MPPE1: variants seen among roughly 807,000 people sequenced by gnomAD.
The protein encoded by MPPE1 is metallophosphoesterase 1.
In MPPE1, 28 loss-of-function variants were observed where a neutral mutation model predicts 43.8. The observed-to-expected ratio is 0.64, with a 90% CI of 0.47 to 0.88. The LOEUF is 0.88. Among genes scored for constraint, MPPE1 ranks in the 40% least tolerant of loss-of-function variants. The probability of loss-of-function intolerance (pLI) is 0.00; values close to 1 mark genes in which losing one functional copy is unlikely to be tolerated. For missense variants in MPPE1, 428 were observed against 492.2 expected, an observed-to-expected ratio of 0.87 and a Z score of 1.23; for synonymous variants, 159 against 188.5, an observed-to-expected ratio of 0.84 and a Z score of 1.28.
rs1486582349 is a variant in MPPE1, at chr18:11,900,863, C to CAT, written c.-92-3508_-92-3507insAT. On this transcript the variant is annotated intron_variant, in intron 2 of 10. Coordinates refer to ENST00000588072, the MANE Select transcript of MPPE1 (RefSeq NM_023075.6). ...CAAAGCCTGCAGTGAGCCGAGATTG[C>CAT]GCCACTGCACTCCAGCCTGGGCGAC... Among the ~76,000 whole-genome samples, 3 of 149,422 alleles carry CAT rather than the reference C, an allele frequency of 2.0e-5. No homozygotes were observed. In the East Asian group the frequency reaches 6.0e-4, roughly 30 times the overall value.
intron 6 of MPPE1, among the ~76,000 whole-genome samples, chr18:11,887,302 C>A (rs1454241521): frequency 6.6e-6 from 1 of 152,188 alleles, no homozygotes; most frequent in African/African-American, 2.4e-5. Flanking sequence ...TAGACTATGT[C>A]TAAGCTCATC....
rs534415280 is a variant in MPPE1 at position 11,882,941 on chromosome 18, A to G, written c.*1504T>C. 2.4e-4 allele frequency: 36 copies of G among 148,466 alleles called. No homozygotes were observed. Among genetic ancestry groups the G allele is most frequent in the Admixed American group, 2.2e-3 (33 of 14,822 alleles). The allele number at this position is 148,466 out of a possible 1,614,324, so 9.2% of individuals were successfully genotyped here. On this transcript the variant is annotated 3_prime_UTR_variant, in exon 11 of 11. Coordinates refer to ENST00000588072, the MANE Select transcript of MPPE1 (RefSeq NM_023075.6). ...CTTCATATTCTAGCTGTAGCCACAG[A>G]GTTGAGGGTAGTTTTTGTAGGTCTA...
intron 2 of MPPE1, 37 bp from the exon 3 acceptor site, chr18:11,897,393 A>G (rs904602094): frequency 3.2e-5 from 27 of 832,706 alleles, no homozygotes; most frequent in Non-Finnish European, 4.8e-5. Flanking sequence ...TATGTTCCCT[A>G]ATAATACAGG....
In MPPE1 at chr18:11,893,587, A is replaced by G. The variant is rs551014085; in HGVS notation, c.282-11T>C. 30 of 1,610,846 alleles carry G rather than the reference A, an allele frequency of 1.9e-5. No individual in the cohort carries two copies. The South Asian group carries it at 3.0e-4, about 16-fold the overall frequency. ...TCCATCTGCCATTCCCTTGATGCCA[A>G]TAGGAAAAAGTAAGGCATCAGTCTC... On this transcript the variant is annotated splice_polypyrimidine_tract_variant and intron_variant, in intron 3 of 10. Transcript: ENST00000588072.
intron 4 of MPPE1, among the ~76,000 whole-genome samples, chr18:11,890,097 C>T (rs1281916296): frequency 1.1e-4 from 16 of 151,224 alleles, no homozygotes; most frequent in African/African-American, 3.9e-4. Context: ...CGCCCGCCAC[C>T]ACGCCCGACT....
chr18:11,903,573 G>A (rs1273729090), intron 2 of MPPE1, among the ~76,000 whole-genome samples: 13 of 152,234 alleles, frequency 8.5e-5, no homozygotes, highest in South Asian at 2.1e-4. Flanking sequence ...TTGGGAGGCC[G>A]AGGCGGGCGG....
At position 11,889,749 on chromosome 18, in the gene MPPE1, T is replaced by A. The variant is rs183041569; in HGVS notation, c.391-259A>T. Among the ~76,000 whole-genome samples the A allele has an allele frequency of 5.3e-5, 8 of 151,756 alleles. No individual in the cohort carries two copies. The East Asian group carries it at 1.6e-3, about 30-fold the overall frequency. ...GGCTAACTTATTTTGTGTGTGTGTA[T>A]TTTTAGTAGAGACAGGGTTTCACCA... On this transcript the variant is annotated intron_variant, in intron 4 of 10. Transcript: ENST00000588072.
intron 2 of MPPE1, among the ~76,000 whole-genome samples, chr18:11,901,065 T>C (rs2039143777): frequency 6.6e-6 from 1 of 152,082 alleles, no homozygotes; most frequent in African/African-American, 2.4e-5. Flanking sequence ...TAATGGAGCA[T>C]TGGCAATGGG....
chr18:11,888,033 T>C (rs1009656557), intron 6 of MPPE1, among the ~76,000 whole-genome samples: 3 of 152,194 alleles, frequency 2.0e-5, no homozygotes, highest in African/African-American at 7.2e-5. Flanking sequence ...CACTCCCACC[T>C]GTTTTCTCCA....
chr18:11,898,120 G>GT (rs1171577952), intron 2 of MPPE1, among the ~76,000 whole-genome samples: 1 of 152,192 alleles, frequency 6.6e-6, no homozygotes, highest in East Asian at 1.9e-4. Flanking sequence ...CCAGGCTGGA[G>GT]TGCAGTGGTG....
chr18:11,897,297 A>G lies in MPPE1; in HGVS notation c.-33T>C. ...GCAACAACAAATCCATCAAGGGTTC[A>G]CCACGAGAAAACTGCAGAGCCCTGG... On this transcript the variant is annotated 5_prime_UTR_variant, in exon 3 of 11. Coordinates refer to ENST00000588072, the MANE Select transcript of MPPE1 (RefSeq NM_023075.6). 1 of 915,212 alleles carries G rather than the reference A, an allele frequency of 1.1e-6. No individual in the cohort carries two copies. The highest frequency in any genetic ancestry group is 1.6e-5 in the South Asian group (1 of 61,590). The allele number at this position is 915,212 out of a possible 1,614,324, so 56.7% of individuals were successfully genotyped here.
intron 9 of MPPE1, 138 bp from the exon 10 acceptor site, chr18:11,885,954 A>AT: frequency 8.0e-6 from 7 of 872,044 alleles, no homozygotes; most frequent in African/African-American, 1.7e-5. Context: ...GGACTGGTTT[A>AT]TTTTTTTCCT....
Position 11,884,239 on chromosome 18 carries a change from T to C in MPPE1, c.*206A>G. 2 of 550,256 alleles carry C rather than the reference T, an allele frequency of 3.6e-6. No individual in the cohort carries two copies. Among genetic ancestry groups the C allele is most frequent in the South Asian group, 2.4e-5 (1 of 41,202 alleles). The allele number at this position is 550,256 out of a possible 1,614,324, so 34.1% of individuals were successfully genotyped here. A position where few individuals can be genotyped will look rare whatever the true frequency, so the allele number is the denominator to read the frequency against. ...ATTTGATAAAAATGAGAAAACAGATTTGTTGTAGAGTACCTGTCCACTTTT... is the reference window on the plus strand; with the variant it reads ...ATTTGATAAAAATGAGAAAACAGATCTGTTGTAGAGTACCTGTCCACTTTT... On this transcript the variant is annotated 3_prime_UTR_variant, in exon 11 of 11. Transcript: ENST00000588072.
At chr18:11,901,235 T>A (rs9962834) in intron 2 of MPPE1, among the ~76,000 whole-genome samples, 26,535 of 151,830 alleles carry the variant, frequency 0.17, 2,549 homozygotes, top group South Asian at 0.34. Flanking sequence ...TATTTATTTA[T>A]TTTTATTTTT....
Position 11,906,803 on chromosome 18 carries a change from G to A in MPPE1, c.-199-494C>T, listed in dbSNP as rs976047987. ...CGGGAGGCGGAGGTTGTAGTGAGCCGAGATCGCGCCATTGCACTCCAGCCT... is the reference window on the plus strand; with the variant it reads ...CGGGAGGCGGAGGTTGTAGTGAGCCAAGATCGCGCCATTGCACTCCAGCCT... On this transcript the variant is annotated intron_variant, in intron 1 of 10. Transcript: ENST00000588072. Among the ~76,000 whole-genome samples the A allele has an allele frequency of 4.7e-5, 7 of 147,694 alleles. No homozygotes were observed. In the South Asian group the frequency reaches 6.3e-4, roughly 13 times the overall value.
In MPPE1 at chr18:11,882,928, G is replaced by C. The variant is rs894036181; in HGVS notation, c.*1517C>G. 1 of 151,838 alleles carries C rather than the reference G, an allele frequency of 6.6e-6. No homozygotes were observed. Among genetic ancestry groups the C allele is most frequent in the Non-Finnish European group, 1.5e-5 (1 of 67,978 alleles). 9.4% of individuals were successfully genotyped at this position (151,838 alleles called of 1,614,324 possible). A position where few individuals can be genotyped will look rare whatever the true frequency, so the allele number is the denominator to read the frequency against. On this transcript the variant is annotated 3_prime_UTR_variant, in exon 11 of 11. Coordinates refer to ENST00000588072, the MANE Select transcript of MPPE1 (RefSeq NM_023075.6). ...TGTAGCAATGATGCTTCATATTCTA[G>C]CTGTAGCCACAGAGTTGAGGGTAGT... is the stretch of plus-strand genomic sequence containing the variant.
At chr18:11,901,849 A>C (rs2039242072) in intron 2 of MPPE1, among the ~76,000 whole-genome samples, 1 of 152,114 alleles carries the variant, frequency 6.6e-6, no homozygotes, top group Non-Finnish European at 1.5e-5. Flanking sequence ...AAAATAAATA[A>C]ATAAAGGGGG....
In MPPE1 at chr18:11,889,483, G is replaced by A. The variant is rs141965655; in HGVS notation, c.398C>T (p.Ala133Val). Residue 133 changes from alanine to valine, a missense_variant, in exon 5 of 11, where the codon GCG (alanine) becomes GTG (valine). Transcript: ENST00000588072. ...EGKWSTPEAW[A>V]DDVERFQKMF... ...TTTCTGAAACCGCTCCACATCATCC[G>A]CCCAGGCCTGAGGGAAAAAGAATCA... 1.6e-4 allele frequency: 263 copies of A among 1,611,390 alleles called. No homozygotes were observed. The highest frequency in any genetic ancestry group is 9.2e-4 in the East Asian group (41 of 44,712).
chr18:11,889,359 G>A (rs752153302), intron 5 of MPPE1, 28 bp downstream of exon 5: 3 of 1,381,872 alleles, frequency 2.2e-6, no homozygotes, highest in East Asian at 2.3e-5. Context: ...AGAGCTCTCA[G>A]GGTGCAGGGC....
Sources: gnomAD v4.1 joint callset for allele counts (sites outside exome capture counted in the v4.1 genomes callset) on GRCh38, gnomAD v4.1.1 for gene constraint, MANE v1.5 for transcripts, NCBI Gene and HGNC (gene_info 2026-07-23, HGNC 2026-07-21) for gene names.